Variants in CEP76 observed in about 807,000 individuals in gnomAD.
CEP76 encodes centrosomal protein of 76 kDa.
CEP76 carries 55 observed loss-of-function variants against 83.3 expected under a neutral mutation model. The observed-to-expected ratio is 0.66, with a 90% CI of 0.53 to 0.83. The LOEUF is 0.83. Among genes scored for constraint, CEP76 ranks in the 40% least tolerant of loss-of-function variants. The pLI is 0.00. For synonymous variants in CEP76, 270 were observed against 274.5 expected, an observed-to-expected ratio of 0.98 and a Z score of 0.16; for missense variants, 694 against 799.5, an observed-to-expected ratio of 0.87 and a Z score of 1.59.
At chr18:12,668,947 G>A (rs1291014425), downstream of CEP76, among the ~76,000 whole-genome samples, 1 of 149,618 alleles carries the variant, frequency 6.7e-6, no homozygotes, top group African/African-American at 2.5e-5. Context: ...CATCAAGTTG[G>A]CCAGGCTGGT....
At position 12,698,993 on chromosome 18, in the gene CEP76, T is replaced by G. The variant is rs1298388190; in HGVS notation, c.506A>C (p.His169Pro). Residue 169 changes from histidine to proline, a missense_variant, in exon 4 of 12, where the codon CAC becomes CCC. Physicochemically the swap from His to Pro is moderately conservative, Grantham distance 77. Coordinates refer to ENST00000262127, the MANE Select transcript of CEP76 (RefSeq NM_024899.4). ...DFHDGFLLEV[H>P]RESLGDGTRM... ...CTGTTTCTTACCCAAGCTTTCTCTG[T>G]GTACTTCAAGTAAAAAGCCATCATG... 6.2e-7 allele frequency: 1 copy of G among 1,611,112 alleles called. No homozygotes were observed. The highest frequency in any genetic ancestry group is 1.3e-5 in the African/African-American group (1 of 74,798).
At position 12,680,006 on chromosome 18, in the gene CEP76, T is replaced by C. The variant is rs151262686; in HGVS notation, c.1289+656A>G. On this transcript the variant is annotated intron_variant, in intron 9 of 11. Coordinates refer to ENST00000262127, the MANE Select transcript of CEP76 (RefSeq NM_024899.4). ...AGGAGGGGGAGGCTGCAGTGGGCTGTGACTGTGCCACTGCACTCCAGCCTG... is the reference window on the plus strand; with the variant it reads ...AGGAGGGGGAGGCTGCAGTGGGCTGCGACTGTGCCACTGCACTCCAGCCTG... Among the ~76,000 whole-genome samples, 329 of 148,682 alleles carry C rather than the reference T, an allele frequency of 2.2e-3. 2 individuals carry two copies. Among genetic ancestry groups the C allele is most frequent in the African/African-American group, 7.4e-3 (297 of 40,270 alleles).
At chr18:12,668,734 CTTTTTTTT>C (rs543253434), downstream of CEP76, among the ~76,000 whole-genome samples, 1 of 96,644 alleles carries the variant, frequency 1.0e-5, no homozygotes, top group Admixed American at 1.3e-4. Context: ...CACTTTATTC[CTTTTTTTT>C]TTTTTTTTTT....
chr18:12,665,704 T>A (rs949956872), intron 12 of CEP76, among the ~76,000 whole-genome samples: 5 of 152,196 alleles, frequency 3.3e-5, no homozygotes, highest in African/African-American at 4.8e-5. Context: ...AATTTTTTTT[T>A]AATTTTTTTT....
chr18:12,668,102 G>A (rs903279931), downstream of CEP76, among the ~76,000 whole-genome samples: 2 of 151,546 alleles, frequency 1.3e-5, no homozygotes, highest in African/African-American at 4.8e-5. Context: ...CTGTCCCTAC[G>A]AAAAATACAA....
chr18:12,686,612 C>A, intron 7 of CEP76, 162 bp from the exon 8 acceptor site: 1 of 516,672 alleles, frequency 1.9e-6, no homozygotes, highest in East Asian at 3.4e-5. Flanking sequence ...TATAATTTCC[C>A]TTAATCCTCA....
At chr18:12,699,312 T>C in intron 3 of CEP76, 109 bp from the exon 4 acceptor site, 1 of 709,862 alleles carries the variant, frequency 1.4e-6, no homozygotes. Context: ...TACCAAAGAC[T>C]AAAAAAAAAG....
intron 7 of CEP76, among the ~76,000 whole-genome samples, chr18:12,687,291 C>T (rs1035216364): frequency 6.6e-6 from 1 of 152,018 alleles, no homozygotes; most frequent in African/African-American, 2.4e-5. Context: ...TTCTCCACAA[C>T]CAGAACATCT....
intron 11 of CEP76, among the ~76,000 whole-genome samples, chr18:12,674,121 A>G (rs1219538595): frequency 6.6e-6 from 1 of 151,928 alleles, no homozygotes; most frequent in Admixed American, 6.6e-5. Context: ...CTCCCATATG[A>G]CTTGGATGTC....
At chr18:12,681,974 C>A (rs1286060668) in intron 8 of CEP76, among the ~76,000 whole-genome samples, 2 of 147,286 alleles carry the variant, frequency 1.4e-5, no homozygotes, top group Admixed American at 6.8e-5. Flanking sequence ...CCAGCCTGGA[C>A]AACAGAGTGA....
downstream of CEP76, among the ~76,000 whole-genome samples, chr18:12,669,937 C>CGGTGAGCCGAGATTGT (rs1439090840): frequency 4.0e-5 from 6 of 151,168 alleles, no homozygotes; most frequent in Non-Finnish European, 7.4e-5. Context: ...GCGGAGGTTG[C>CGGTGAGCCGAGATTGT]GGTGAGCCGA....
At chr18:12,681,006 C>T (rs1229116480) in intron 8 of CEP76, among the ~76,000 whole-genome samples, 178 bp from the exon 9 acceptor site, 1 of 152,070 alleles carries the variant, frequency 6.6e-6, no homozygotes, top group Non-Finnish European at 1.5e-5. Context: ...CAAGACCAGC[C>T]TGGCCAACAT....
chr18:12,691,710 T>TC (rs916284880), intron 6 of CEP76, among the ~76,000 whole-genome samples: 10 of 61,808 alleles, frequency 1.6e-4, no homozygotes, highest in African/African-American at 4.2e-4. Flanking sequence ...AAAGACAGAA[T>TC]TTTTTTTTTT....
At chr18:12,666,146 A>C (rs1360986649) in intron 12 of CEP76, among the ~76,000 whole-genome samples, 4 of 121,182 alleles carry the variant, frequency 3.3e-5, no homozygotes, top group Non-Finnish European at 5.6e-5. Flanking sequence ...GCAAGAACTC[A>C]TCTCTACAAA....
At chr18:12,699,316 A>T (rs756889849) in intron 3 of CEP76, 113 bp from the exon 4 acceptor site, 7 of 697,754 alleles carry the variant, frequency 1.0e-5, no homozygotes, top group Admixed American at 5.9e-5. Flanking sequence ...AAAGACTAAA[A>T]AAAAAGCAAA....
At chr18:12,669,123 C>A (rs368472746), downstream of CEP76, among the ~76,000 whole-genome samples, 2 of 118,936 alleles carry the variant, frequency 1.7e-5, no homozygotes, top group African/African-American at 6.0e-5. Flanking sequence ...ACGGCAACCT[C>A]TTTTTTTTTG....
intron 12 of CEP76, among the ~76,000 whole-genome samples, chr18:12,665,519 G>T (rs2038785596): frequency 6.6e-6 from 1 of 152,094 alleles, no homozygotes; most frequent in African/African-American, 2.4e-5. Context: ...TGCCATACCT[G>T]TTCATGCCTC....
chr18:12,695,352 C>A lies in CEP76; in HGVS notation c.707-1G>T. The A allele has an allele frequency of 7.1e-7, 1 of 1,410,360 alleles. No homozygotes were observed. Among genetic ancestry groups the A allele is most frequent in the South Asian group, 1.2e-5 (1 of 80,752 alleles). The allele number at this position is 1,410,360 out of a possible 1,614,324, so 87.4% of individuals were successfully genotyped here. A position where few individuals can be genotyped will look rare whatever the true frequency, so the allele number is the denominator to read the frequency against. On this transcript the variant is annotated splice_acceptor_variant, in intron 5 of 11. Coordinates refer to ENST00000262127, the MANE Select transcript of CEP76 (RefSeq NM_024899.4). LOFTEE classifies it high-confidence loss of function. ...CCCACAGAAACTTTTGATTCTGTGC[C>A]TATAAACATAAATATTTTGAACTTC...
chr18:12,698,916 G>T, intron 4 of CEP76, 63 bp downstream of exon 4: 2 of 1,198,884 alleles, frequency 1.7e-6, no homozygotes, highest in Non-Finnish European at 2.4e-6. Context: ...CATTATTATT[G>T]TTTCACAATA....
Sources: gnomAD v4.1 joint callset for allele counts (sites outside exome capture counted in the v4.1 genomes callset) on GRCh38, gnomAD v4.1.1 for gene constraint, MANE v1.5 for transcripts, NCBI Gene and HGNC (gene_info 2026-07-23, HGNC 2026-07-21) for gene names.